DPH6: variants seen among roughly 807,000 people sequenced by gnomAD.
The protein encoded by DPH6 is diphthamine biosynthesis 6.
In DPH6, 33 loss-of-function variants were observed where a neutral mutation model predicts 38.2. The observed-to-expected ratio is 0.86, with a 90% CI of 0.65 to 1.15. DPH6 has a LOEUF of 1.15. Among genes scored for constraint, DPH6 ranks in the 50% most tolerant of loss-of-function variants. The pLI is 0.00. For missense variants in DPH6, 325 were observed against 320.0 expected (o/e 1.02, Z -0.12); for synonymous variants, 108 against 103.0 (o/e 1.05, Z -0.30).
At chr15:35,171,848 AAT>A in the DPH6 span, among the ~76,000 whole-genome samples, 2 of 150,734 alleles carry the variant, frequency 1.3e-5, no homozygotes, top group Non-Finnish European at 3.0e-5. Flanking sequence ...AGTATTTTAT[AAT>A]ATATATATAT....
chr15:35,356,755 G>T (rs915731365), intron 3 of DPH6, among the ~76,000 whole-genome samples: 4 of 152,184 alleles, frequency 2.6e-5, no homozygotes, highest in Admixed American at 1.3e-4. Context: ...GAGGCAGTCT[G>T]TCCATTCTCA....
chr15:35,443,953 A>G (rs531169311), intron 5 of DPH6, among the ~76,000 whole-genome samples: 1 of 152,318 alleles, frequency 6.6e-6, no homozygotes, highest in South Asian at 2.1e-4. Flanking sequence ...CCCAGTTTCA[A>G]CCTTTTCTGA....
At chr15:35,321,969 G>C (rs1018918663) in intron 3 of DPH6, among the ~76,000 whole-genome samples, 2 of 152,120 alleles carry the variant, frequency 1.3e-5, no homozygotes, top group Admixed American at 6.6e-5. Context: ...GGAGAATTTA[G>C]TGGTCAGGGG....
At chr15:35,160,085 C>A in the DPH6 span, among the ~76,000 whole-genome samples, 2 of 151,956 alleles carry the variant, frequency 1.3e-5, no homozygotes, top group Admixed American at 6.6e-5. Context: ...AGCTACCTAT[C>A]GGGTACTATG....
chr15:35,512,916 C>T (rs1037828773), intron 3 of DPH6, among the ~76,000 whole-genome samples: 5 of 151,840 alleles, frequency 3.3e-5, no homozygotes, highest in Admixed American at 2.0e-4. Context: ...ATTTATGGAT[C>T]ACATCAAAGT....
chr15:35,402,087 C>T (rs1325075850), intron 6 of DPH6, among the ~76,000 whole-genome samples: 1 of 152,168 alleles, frequency 6.6e-6, no homozygotes, highest in Non-Finnish European at 1.5e-5. Flanking sequence ...AATTGTCACG[C>T]TGAATAAATG....
intron 3 of DPH6, among the ~76,000 whole-genome samples, chr15:35,236,520 T>C (rs1192320076): frequency 6.6e-6 from 1 of 151,866 alleles, no homozygotes; most frequent in African/African-American, 2.4e-5. Context: ...GCGCCTGTAG[T>C]CCCAGCTACT....
At chr15:35,159,202 C>T in the DPH6 span, among the ~76,000 whole-genome samples, 2 of 152,070 alleles carry the variant, frequency 1.3e-5, no homozygotes, top group Non-Finnish European at 2.9e-5. Flanking sequence ...TTTATCTTCT[C>T]ACTATGGAAT....
At chr15:35,506,278 T>C (rs2054693090) in intron 3 of DPH6, among the ~76,000 whole-genome samples, 1 of 152,054 alleles carries the variant, frequency 6.6e-6, no homozygotes, top group African/African-American at 2.4e-5. Context: ...CTCTGGAGCT[T>C]GAAAAAGAGC....
downstream of DPH6, among the ~76,000 whole-genome samples, chr15:35,217,165 T>C (rs1418925075): frequency 1.3e-5 from 2 of 152,180 alleles, no homozygotes; most frequent in African/African-American, 4.8e-5. Context: ...TGTAACTAGT[T>C]ACATCACCAC....
At chr15:35,194,911 T>C in the DPH6 span, among the ~76,000 whole-genome samples, 1 of 152,256 alleles carries the variant, frequency 6.6e-6, no homozygotes, top group Non-Finnish European at 1.5e-5. Context: ...ATATTTTCTT[T>C]ATGCTAGGAG....
the DPH6 span, among the ~76,000 whole-genome samples, chr15:35,169,369 T>A: frequency 1.3e-5 from 2 of 152,102 alleles, no homozygotes; most frequent in Non-Finnish European, 2.9e-5. Flanking sequence ...AGCATTTTAT[T>A]TCACAAAGGA....
intron 3 of DPH6, among the ~76,000 whole-genome samples, chr15:35,512,037 A>G (rs1302670280): frequency 3.3e-5 from 5 of 152,320 alleles, no homozygotes; most frequent in South Asian, 2.1e-4. Flanking sequence ...GGGGAAGCAT[A>G]AAGTATTTTC....
chr15:35,338,295 T>A (rs2052390255), intron 3 of DPH6, among the ~76,000 whole-genome samples: 4 of 152,034 alleles, frequency 2.6e-5, no homozygotes, highest in Non-Finnish European at 4.4e-5. Context: ...GACAAAGGGC[T>A]AATATCTAGA....
intron 6 of DPH6, among the ~76,000 whole-genome samples, chr15:35,382,782 TAA>T: frequency 6.6e-6 from 1 of 151,690 alleles, no homozygotes; most frequent in Non-Finnish European, 1.5e-5. Flanking sequence ...AGACAAGCCT[TAA>T]GAAGGTCCAA....
chr15:35,541,559 C>T (rs2055253496), intron 2 of DPH6, among the ~76,000 whole-genome samples: 1 of 152,070 alleles, frequency 6.6e-6, no homozygotes, highest in Non-Finnish European at 1.5e-5. Flanking sequence ...ACATACACCA[C>T]TCATTTAATT....
chr15:35,259,742 C>T (rs1310075450), intron 3 of DPH6, among the ~76,000 whole-genome samples: 1 of 152,210 alleles, frequency 6.6e-6, no homozygotes, highest in Non-Finnish European at 1.5e-5. Flanking sequence ...TGCTTGAGCT[C>T]ATACAATCTC....
At chr15:35,454,618 C>T (rs1443557716) in intron 4 of DPH6, 129 bp downstream of exon 4, 2 of 680,550 alleles carry the variant, frequency 2.9e-6, no homozygotes, top group East Asian at 3.2e-5. Flanking sequence ...GGTAAATACA[C>T]ACATTTAGTT....
At chr15:35,173,982 T>C in the DPH6 span, among the ~76,000 whole-genome samples, 1 of 152,180 alleles carries the variant, frequency 6.6e-6, no homozygotes, top group Non-Finnish European at 1.5e-5. Context: ...GTGTTTATGA[T>C]ATGTAACTGA....
Sources: allele counts gnomAD v4.1 joint callset (sites outside exome capture counted in the v4.1 genomes callset), GRCh38; gene constraint gnomAD v4.1.1; transcripts MANE v1.5; gene names NCBI Gene and HGNC (gene_info 2026-07-23, HGNC 2026-07-21).